Variants in SV2C observed in about 807,000 individuals in gnomAD.
SV2C encodes solute carrier family 22 member B3.
Under a neutral mutation model 79.7 loss-of-function variants are expected in SV2C, and 49 were observed. The observed-to-expected ratio is 0.61, with a 90% confidence interval of 0.49 to 0.78. The LOEUF (loss-of-function observed/expected upper bound fraction) is 0.78. Ranked by LOEUF, SV2C falls within the 30% of genes least tolerant of loss-of-function variation. The pLI, the probability that SV2C is intolerant of heterozygous loss-of-function variation, is 0.00. For synonymous variants in SV2C, 334 were observed against 333.2 expected (o/e 1.00, Z -0.03); for missense variants, 833 against 912.9 (o/e 0.91, Z 1.13).
intron 1 of SV2C, among the ~76,000 whole-genome samples, chr5:76,095,857 T>G (rs1166334512): frequency 6.6e-6 from 1 of 152,136 alleles, no homozygotes; most frequent in East Asian, 1.9e-4. Flanking sequence ...AAAGCAAAAC[T>G]GTTGATAAAA....
chr5:75,855,602 A>G, the SV2C span, among the ~76,000 whole-genome samples: 1 of 152,072 alleles, frequency 6.6e-6, no homozygotes, highest in South Asian at 2.1e-4. Flanking sequence ...TTCAAACTTT[A>G]TTATTATTAT....
the SV2C span, among the ~76,000 whole-genome samples, chr5:76,012,058 C>T: frequency 6.6e-6 from 1 of 151,796 alleles, no homozygotes; most frequent in Non-Finnish European, 1.5e-5. Context: ...TGAACAGTGC[C>T]CAATAAATAT....
intron 4 of SV2C, among the ~76,000 whole-genome samples, chr5:76,260,634 G>A (rs1187873369): frequency 1.3e-5 from 2 of 152,128 alleles, no homozygotes; most frequent in Non-Finnish European, 2.9e-5. Flanking sequence ...ATGTAAGGAA[G>A]GTGTCCAGTT....
chr5:76,052,990 A>C, the SV2C span, among the ~76,000 whole-genome samples: 1 of 151,982 alleles, frequency 6.6e-6, no homozygotes, highest in African/African-American at 2.4e-5. Flanking sequence ...CATGGTGATT[A>C]AACCAATGGA....
chr5:76,174,111 GAA>G (rs1561249375), intron 2 of SV2C: 1 of 1,598,222 alleles, frequency 6.3e-7, no homozygotes, highest in East Asian at 2.2e-5. Context: ...AAAATTCCTT[GAA>G]CAAATTGTAC....
chr5:75,879,461 C>T, the SV2C span, among the ~76,000 whole-genome samples: 1 of 151,854 alleles, frequency 6.6e-6, no homozygotes, highest in African/African-American at 2.4e-5. Flanking sequence ...GAGCTGTGGG[C>T]CCCATGAGAG....
chr5:75,894,560 C>T, the SV2C span, among the ~76,000 whole-genome samples: 1 of 151,996 alleles, frequency 6.6e-6, no homozygotes, highest in African/African-American at 2.4e-5. Flanking sequence ...TTTGACCTGT[C>T]TGGTGGTTTC....
the SV2C span, among the ~76,000 whole-genome samples, chr5:75,996,260 G>T: frequency 2.0e-4 from 31 of 152,124 alleles, no homozygotes; most frequent in African/African-American, 6.8e-4. Flanking sequence ...CCCATTGCTT[G>T]TTTTTCTCAG....
the SV2C span, among the ~76,000 whole-genome samples, chr5:76,002,809 T>C: frequency 6.6e-6 from 1 of 151,986 alleles, no homozygotes; most frequent in Non-Finnish European, 1.5e-5. Flanking sequence ...ATGATAAAAA[T>C]AAAAAGATCT....
intron 2 of SV2C, among the ~76,000 whole-genome samples, chr5:76,147,372 A>G (rs754842806): frequency 9.9e-5 from 15 of 152,182 alleles, no homozygotes; most frequent in Non-Finnish European, 1.9e-4. Context: ...GTGTATATGT[A>G]GAGGCAGATA....
intron 1 of SV2C, among the ~76,000 whole-genome samples, chr5:76,086,982 C>T (rs1747220307): frequency 6.6e-6 from 1 of 152,084 alleles, no homozygotes; most frequent in African/African-American, 2.4e-5. Context: ...TGATTTGGTC[C>T]TTTCTAGTTC....
At chr5:76,307,142 G>C (rs1748219840) in intron 12 of SV2C, among the ~76,000 whole-genome samples, 1 of 152,108 alleles carries the variant, frequency 6.6e-6, no homozygotes. Context: ...TACAGCTTTT[G>C]CCAAATTTAT....
chr5:76,158,098 T>G (rs1742789447), intron 2 of SV2C, among the ~76,000 whole-genome samples: 2 of 151,672 alleles, frequency 1.3e-5, no homozygotes, highest in African/African-American at 4.8e-5. Flanking sequence ...ATTCTCTTAA[T>G]GCACAAGAAA....
the SV2C span, among the ~76,000 whole-genome samples, chr5:75,972,373 C>G: frequency 2.0e-5 from 3 of 152,104 alleles, no homozygotes; most frequent in African/African-American, 7.2e-5. Context: ...AAGAAACTAC[C>G]ATCAGAGTGA....
At chr5:76,117,571 C>G (rs1748313759) in intron 1 of SV2C, among the ~76,000 whole-genome samples, 2 of 151,876 alleles carry the variant, frequency 1.3e-5, no homozygotes, top group African/African-American at 2.4e-5. Flanking sequence ...AAACATGTAA[C>G]AAAGTGACAA....
At chr5:76,120,627 T>C (rs1233206880) in intron 1 of SV2C, among the ~76,000 whole-genome samples, 1 of 149,172 alleles carries the variant, frequency 6.7e-6, no homozygotes, top group South Asian at 2.1e-4. Flanking sequence ...GTTTGGTTTT[T>C]TGTCCTTGTG....
rs1749021165 is a variant in SV2C, at chr5:76,326,778, T to C, written c.*1231T>C. The C allele has an allele frequency of 6.6e-6, 1 of 152,330 alleles. No homozygotes were observed. The highest frequency in any genetic ancestry group is 2.4e-5 in the African/African-American group (1 of 41,468). 9.4% of individuals were successfully genotyped at this position (152,330 alleles called of 1,614,324 possible). A position where few individuals can be genotyped will look rare whatever the true frequency, so the allele number is the denominator to read the frequency against. On this transcript the variant is annotated 3_prime_UTR_variant, in exon 13 of 13. Coordinates refer to ENST00000502798, the MANE Select transcript of SV2C (RefSeq NM_014979.4). The stretch of plus-strand genomic sequence containing the variant: ...CCTGTGGTTGTTTGACTGCTCATTT[T>C]ACCTCTGGAATCTGCCTGGGCTTGG...
chr5:76,197,706 G>GATAGATAGATAGATAGA (rs1561260450), intron 3 of SV2C, among the ~76,000 whole-genome samples: 5 of 3,128 alleles, frequency 1.6e-3, no homozygotes, highest in Non-Finnish European at 2.7e-3. Context: ...AGATAGACAG[G>GATAGATAGATAGATAGA]CAGATAGATA....
At chr5:76,064,891 A>G in the SV2C span, among the ~76,000 whole-genome samples, 2 of 152,192 alleles carry the variant, frequency 1.3e-5, no homozygotes, top group Non-Finnish European at 2.9e-5. Context: ...GTATTTATGA[A>G]TAATCAAAAG....
Sources: allele counts gnomAD v4.1 joint callset (sites outside exome capture counted in the v4.1 genomes callset), GRCh38; gene constraint gnomAD v4.1.1; transcripts MANE v1.5; gene names NCBI Gene and HGNC (gene_info 2026-07-23, HGNC 2026-07-21).